The following OPHN1 variants were observed in gnomAD, a reference collection of about 807,000 sequenced individuals.
The protein encoded by OPHN1 is oligophrenin 1, also known as oligophrenin-1.
OPHN1 carries 11 observed loss-of-function variants against 60.7 expected under a neutral mutation model. That is an observed-to-expected ratio of 0.18 (90% CI 0.11 to 0.30). OPHN1 has a LOEUF of 0.30. OPHN1 is among the 10% of genes least tolerant of loss of function. The pLI is 1.00. For missense variants in OPHN1, 449 were observed against 611.0 expected, an observed-to-expected ratio of 0.73 and a Z score of 2.80; for synonymous variants, 226 against 222.6, an observed-to-expected ratio of 1.02 and a Z score of -0.14.
chrX:68,412,689 C>T (rs1332511700), intron 2 of OPHN1, among the ~76,000 whole-genome samples: 1 of 111,260 alleles, frequency 9.0e-6, no homozygotes, highest in African/African-American at 3.3e-5. Flanking sequence ...AATTATTTAT[C>T]AGACTCTATT....
chrX:68,417,607 GAGACC>G (rs1792896927), intron 2 of OPHN1, among the ~76,000 whole-genome samples: 1 of 112,601 alleles, frequency 8.9e-6, no homozygotes, highest in African/African-American at 3.2e-5. Flanking sequence ...GTTTAATGGA[GAGACC>G]AGAGCTGCCT....
chrX:68,133,629 C>T (rs1602180533), intron 15 of OPHN1, among the ~76,000 whole-genome samples: 1 of 111,773 alleles, frequency 8.9e-6, no homozygotes. Flanking sequence ...AGCATATCTC[C>T]CTTTTTCTGC....
At chrX:68,365,420 A>T (rs1211654244) in intron 2 of OPHN1, among the ~76,000 whole-genome samples, 1 of 111,641 alleles carries the variant, frequency 9.0e-6, no homozygotes, top group Non-Finnish European at 1.9e-5. Flanking sequence ...GTTTAACATA[A>T]GGCAGCCACT....
At chrX:68,233,183 C>T (rs1444465107) in intron 6 of OPHN1, among the ~76,000 whole-genome samples, 1 of 111,473 alleles carries the variant, frequency 9.0e-6, no homozygotes, top group East Asian at 2.8e-4. Flanking sequence ...CTGCCTTGGC[C>T]GCCCAAAATG....
At chrX:68,071,551 G>A (rs1035013428) in intron 20 of OPHN1, 22 of 595,348 alleles carry the variant, frequency 3.7e-5, no homozygotes, top group Admixed American at 2.7e-4. Context: ...GTATTGTCAG[G>A]CATAGGGACA....
chrX:68,413,416 T>C (rs778375193), intron 2 of OPHN1, among the ~76,000 whole-genome samples: 3 of 111,233 alleles, frequency 2.7e-5, no homozygotes, highest in Admixed American at 9.7e-5. Flanking sequence ...GAAAAGAAGA[T>C]ATCCCTCTAC....
At chrX:68,064,214 T>A in intron 20 of OPHN1, 37 bp from the exon 21 acceptor site, 1 of 1,170,213 alleles carries the variant, frequency 8.5e-7, no homozygotes, top group East Asian at 3.0e-5. Flanking sequence ...AGATTAATGA[T>A]AACTTTTAAA....
chrX:68,095,808 C>T (rs2077036257), intron 19 of OPHN1, among the ~76,000 whole-genome samples: 1 of 111,476 alleles, frequency 9.0e-6, no homozygotes, highest in African/African-American at 3.3e-5. Flanking sequence ...GCAGGGCCAT[C>T]TGTTGCAAGT....
chrX:68,193,082 G>A (rs1358415323), intron 14 of OPHN1, 89 bp from the exon 15 acceptor site: 1 of 682,922 alleles, frequency 1.5e-6, no homozygotes, highest in Non-Finnish European at 2.4e-6. Flanking sequence ...CAGATAGGAA[G>A]GGGTCACACT....
intron 5 of OPHN1, among the ~76,000 whole-genome samples, chrX:68,268,910 A>G (rs2077949384): frequency 8.9e-6 from 1 of 111,827 alleles, no homozygotes; most frequent in Admixed American, 9.5e-5. Flanking sequence ...ATACAAAATC[A>G]ATGTGCAAAA....
At chrX:68,377,429 T>G (rs6625304) in intron 2 of OPHN1, among the ~76,000 whole-genome samples, 1 of 105,842 alleles carries the variant, frequency 9.4e-6, no homozygotes, top group South Asian at 4.1e-4. Flanking sequence ...TTTTTTATTT[T>G]TTATTATTAT....
intron 2 of OPHN1, among the ~76,000 whole-genome samples, chrX:68,389,450 T>C (rs1279548935): frequency 3.7e-5 from 4 of 107,818 alleles, no homozygotes; most frequent in African/African-American, 1.3e-4. Flanking sequence ...GCCTGTAATC[T>C]CAGCTACTCG....
At chrX:68,275,681 TGTCA>T (rs962214115) in intron 4 of OPHN1, among the ~76,000 whole-genome samples, 14 of 111,716 alleles carry the variant, frequency 1.3e-4, no homozygotes, top group Admixed American at 1.1e-3. Context: ...GAGACATAGG[TGTCA>T]GTAAGACAAG....
intron 2 of OPHN1, among the ~76,000 whole-genome samples, chrX:68,407,741 C>A (rs1486157270): frequency 9.0e-6 from 1 of 111,729 alleles, no homozygotes; most frequent in Non-Finnish European, 1.9e-5. Flanking sequence ...TATAACAATA[C>A]AAAATTATCC....
At chrX:68,238,688 G>C (rs997036744) in intron 5 of OPHN1, among the ~76,000 whole-genome samples, 1 of 111,436 alleles carries the variant, frequency 9.0e-6, no homozygotes, top group Non-Finnish European at 1.9e-5. Flanking sequence ...AACGGGAAAA[G>C]TTCCCTTATC....
intron 5 of OPHN1, among the ~76,000 whole-genome samples, chrX:68,237,939 T>C (rs905335877): frequency 8.9e-6 from 1 of 112,417 alleles, no homozygotes; most frequent in African/African-American, 3.2e-5. Flanking sequence ...TTCTTTACCA[T>C]AGAGGAAAAG....
intron 5 of OPHN1, among the ~76,000 whole-genome samples, chrX:68,245,162 C>T (rs906179461): frequency 1.8e-5 from 2 of 111,316 alleles, no homozygotes; most frequent in Non-Finnish European, 3.8e-5. Context: ...GGACACAGCA[C>T]ACCCCTAAAT....
intron 15 of OPHN1, among the ~76,000 whole-genome samples, chrX:68,143,913 C>T (rs1237429251): frequency 8.9e-6 from 1 of 111,973 alleles, no homozygotes; most frequent in Non-Finnish European, 1.9e-5. Flanking sequence ...TCCTATGAGT[C>T]CTTTTAACAA....
intron 5 of OPHN1, among the ~76,000 whole-genome samples, chrX:68,239,870 C>T (rs1184447962): frequency 2.8e-5 from 3 of 107,333 alleles, no homozygotes; most frequent in African/African-American, 6.9e-5. Flanking sequence ...AGTGCAGTGG[C>T]GCAATCTCGG....
Sources: gnomAD v4.1 joint callset for allele counts (sites outside exome capture counted in the v4.1 genomes callset) on GRCh38, gnomAD v4.1.1 for gene constraint, MANE v1.5 for transcripts, NCBI Gene and HGNC (gene_info 2026-07-23, HGNC 2026-07-21) for gene names.